SEL1L3: variants seen among roughly 807,000 people sequenced by gnomAD.
SEL1L3 encodes the protein SEL1L family member 3.
A neutral mutation model predicts 142.8 loss-of-function variants in SEL1L3; 76 were observed. The observed-to-expected ratio is 0.53, with a 90% CI of 0.44 to 0.64. The LOEUF (loss-of-function observed/expected upper bound fraction) is 0.64, where lower values mean the gene tolerates loss of function less well. SEL1L3 is among the 30% of genes least tolerant of loss of function. SEL1L3 has a pLI of 0.00. For synonymous variants in SEL1L3, 504 were observed against 519.6 expected (o/e 0.97, Z 0.41); for missense variants, 1,262 against 1,381.7 (o/e 0.91, Z 1.37).
chr4:25,736,630 T>G, the SEL1L3 span, among the ~76,000 whole-genome samples: 1 of 152,322 alleles, frequency 6.6e-6, no homozygotes, highest in East Asian at 1.9e-4. Flanking sequence ...ATTTTGCAAT[T>G]GTTGGGCATG....
chr4:25,729,727 A>G, the SEL1L3 span, among the ~76,000 whole-genome samples: 1 of 124,722 alleles, frequency 8.0e-6, no homozygotes, highest in African/African-American at 3.4e-5. Flanking sequence ...AACAAAAACA[A>G]AACAAAACAT....
chr4:25,788,205 C>A lies in SEL1L3; in HGVS notation c.2217+19G>T, dbSNP rs751624370. 8.1e-6 allele frequency: 13 copies of A among 1,611,534 alleles called. No homozygotes were observed. The South Asian group carries it at 1.3e-4, about 16-fold the overall frequency. ...TGATAAGAATTGCACAATTTCAGCA[C>A]GAATTAAGTGATTCTTACCTTGAAT... On this transcript the variant is annotated intron_variant, in intron 13 of 23. Transcript: ENST00000399878. The surrounding 1 kb of genome is among the most constrained non-coding windows in gnomAD (Gnocchi z 5.3).
intron 23 of SEL1L3, 37 bp downstream of exon 23, chr4:25,757,497 T>C: frequency 7.1e-7 from 1 of 1,399,896 alleles, no homozygotes; most frequent in Non-Finnish European, 9.6e-7. Context: ...CTTTTTTTTT[T>C]TTTAATATAT....
intron 9 of SEL1L3, among the ~76,000 whole-genome samples, chr4:25,817,919 G>A (rs906105590): frequency 3.3e-5 from 5 of 152,196 alleles, no homozygotes; most frequent in Non-Finnish European, 7.3e-5. Flanking sequence ...TTGCTTGAGC[G>A]ATTCCTAAAT....
the SEL1L3 span, among the ~76,000 whole-genome samples, chr4:25,724,155 A>T: frequency 3.9e-5 from 6 of 152,170 alleles, no homozygotes; most frequent in African/African-American, 1.4e-4. Flanking sequence ...CCGGTGGCTC[A>T]CACCTGTAAT....
At chr4:25,790,734 A>AGGAGGGAGGGAG (rs1712271191) in intron 11 of SEL1L3, among the ~76,000 whole-genome samples, 160 bp from the exon 12 acceptor site, 2 of 79,780 alleles carry the variant, frequency 2.5e-5, no homozygotes, top group African/African-American at 1.0e-4. Flanking sequence ...GAGGGAGGGA[A>AGGAGGGAGGGAG]GGAAGGAAGG....
intron 10 of SEL1L3, among the ~76,000 whole-genome samples, chr4:25,803,450 C>T (rs1218169544): frequency 1.3e-5 from 2 of 152,234 alleles, no homozygotes; most frequent in Non-Finnish European, 2.9e-5. Context: ...CATACACAAT[C>T]ACCTATGCAA....
chr4:25,832,421 T>C (rs1408185191), intron 5 of SEL1L3, among the ~76,000 whole-genome samples: 5 of 152,224 alleles, frequency 3.3e-5, no homozygotes, highest in Non-Finnish European at 7.3e-5. Flanking sequence ...ATCCATAAAA[T>C]TCATGTTATG....
intron 9 of SEL1L3, among the ~76,000 whole-genome samples, chr4:25,813,197 C>T (rs1714150574): frequency 6.6e-6 from 1 of 152,158 alleles, no homozygotes; most frequent in Non-Finnish European, 1.5e-5. Flanking sequence ...CTTCTGGATA[C>T]TGTATATATC....
intron 9 of SEL1L3, among the ~76,000 whole-genome samples, chr4:25,809,254 C>T (rs947852019): frequency 2.6e-5 from 4 of 151,402 alleles, no homozygotes; most frequent in East Asian, 2.0e-4. Context: ...AGCAATTCTC[C>T]TGCCTCAGTT....
At chr4:25,745,265 C>T (rs2109101255), downstream of SEL1L3, among the ~76,000 whole-genome samples, 1 of 152,188 alleles carries the variant, frequency 6.6e-6, no homozygotes, top group East Asian at 1.9e-4. Context: ...CATGGTGGCA[C>T]ATGCCTGTAA....
At chr4:25,735,856 GTCTGGC>G in the SEL1L3 span, among the ~76,000 whole-genome samples, 1 of 124,762 alleles carries the variant, frequency 8.0e-6, no homozygotes, top group African/African-American at 3.1e-5. Context: ...TTGAGATGGA[GTCTGGC>G]TCTGTCGCCC....
At chr4:25,748,838 G>A (rs550163396) in intron 23 of SEL1L3, among the ~76,000 whole-genome samples, 2 of 152,274 alleles carry the variant, frequency 1.3e-5, no homozygotes, top group South Asian at 4.1e-4. Context: ...TTTAAGAATG[G>A]GTCCCCAAAC....
chr4:25,804,963 A>T (rs1713453108), intron 9 of SEL1L3, among the ~76,000 whole-genome samples: 1 of 152,224 alleles, frequency 6.6e-6, no homozygotes, highest in African/African-American at 2.4e-5. Flanking sequence ...TTGGCACTAT[A>T]TGACAGCCTA....
intron 6 of SEL1L3, among the ~76,000 whole-genome samples, chr4:25,829,264 C>A (rs1408319421): frequency 6.6e-6 from 1 of 152,244 alleles, no homozygotes; most frequent in Non-Finnish European, 1.5e-5. Flanking sequence ...TGAGCCAACA[C>A]CCCTGGCCTA....
chr4:25,822,653 G>C (rs1714835546), intron 6 of SEL1L3, among the ~76,000 whole-genome samples: 1 of 152,214 alleles, frequency 6.6e-6, no homozygotes, highest in South Asian at 2.1e-4. Flanking sequence ...GCAAAATTCA[G>C]TTAGGAGGAG....
chr4:25,744,482 T>G (rs1717203788), downstream of SEL1L3, among the ~76,000 whole-genome samples: 1 of 151,646 alleles, frequency 6.6e-6, no homozygotes, highest in Admixed American at 6.6e-5. Flanking sequence ...GCCTCCTGAG[T>G]AGCTGGGATT....
intron 1 of SEL1L3, chr4:25,861,883 G>T (rs1717732532): frequency 6.6e-6 from 1 of 151,080 alleles, no homozygotes; most frequent in South Asian, 2.1e-4. Context: ...TTTGTTCTGA[G>T]GGGTCTCAGC....
chr4:25,821,939 T>C (rs962862472), intron 7 of SEL1L3, 57 bp downstream of exon 7: 2 of 1,571,064 alleles, frequency 1.3e-6, no homozygotes, highest in African/African-American at 1.4e-5. Flanking sequence ...GGCACACCCC[T>C]GAGGCCCACA....
Sources: gnomAD v4.1 joint callset for allele counts (sites outside exome capture counted in the v4.1 genomes callset) on GRCh38, gnomAD v4.1.1 for gene constraint, Gnocchi (gnomAD v3.1) non-coding constraint, MANE v1.5 for transcripts, NCBI Gene and HGNC (gene_info 2026-07-23, HGNC 2026-07-21) for gene names.